GSE1: variants seen among roughly 807,000 people sequenced by gnomAD.
GSE1 encodes Gse1 coiled-coil protein, also known as genetic suppressor element 1.
A neutral mutation model predicts 112.6 loss-of-function variants in GSE1; 32 were observed. The observed-to-expected ratio is 0.28, with a 90% CI of 0.21 to 0.38. The LOEUF (loss-of-function observed/expected upper bound fraction) is 0.38. Ranked by LOEUF, GSE1 falls within the 10% of genes least tolerant of loss-of-function variation. The pLI is 1.00. For synonymous variants in GSE1, 1,115 were observed against 735.6 expected, an observed-to-expected ratio of 1.52 and a Z score of -8.35; for missense variants, 2,348 against 1,699.2, an observed-to-expected ratio of 1.38 and a Z score of -6.71.
At chr16:85,574,514 G>C (rs1450271327) in intron 1 of GSE1, among the ~76,000 whole-genome samples, 1 of 152,190 alleles carries the variant, frequency 6.6e-6, no homozygotes, top group Non-Finnish European at 1.5e-5. Flanking sequence ...TTCCGCCTCG[G>C]ACGAGGCCCC....
At chr16:85,384,961 C>G (rs1051671584) in intron 2 of GSE1, among the ~76,000 whole-genome samples, 3 of 152,274 alleles carry the variant, frequency 2.0e-5, no homozygotes, top group Non-Finnish European at 4.4e-5. Context: ...AGCAGGTTAG[C>G]GTGCTGTGCA....
intron 2 of GSE1, among the ~76,000 whole-genome samples, chr16:85,443,123 G>A (rs931790178): frequency 3.3e-5 from 5 of 152,236 alleles, no homozygotes; most frequent in Non-Finnish European, 5.9e-5. Context: ...TTCCCAGTAA[G>A]GTCCTAGCCT....
chr16:85,607,794 G>T (rs1031237229), upstream of GSE1, among the ~76,000 whole-genome samples: 2 of 152,208 alleles, frequency 1.3e-5, no homozygotes, highest in African/African-American at 4.8e-5. Flanking sequence ...TCCTGCCCAG[G>T]GTCTGGGGAC....
chr16:85,661,085 A>T, intron 8 of GSE1, 61 bp from the exon 9 acceptor site: 1 of 1,473,618 alleles, frequency 6.8e-7, no homozygotes, highest in East Asian at 2.3e-5. Flanking sequence ...GCAGCCAGGG[A>T]AGCCTGTGGA....
chr16:85,234,622 G>A (rs987777260), intron 1 of GSE1, among the ~76,000 whole-genome samples: 1 of 152,210 alleles, frequency 6.6e-6, no homozygotes. Context: ...CCAAGGCTCA[G>A]GGAGGCCCTG....
At chr16:85,554,664 C>T (rs1379137721), upstream of GSE1, among the ~76,000 whole-genome samples, 2 of 152,206 alleles carry the variant, frequency 1.3e-5, no homozygotes, top group African/African-American at 4.8e-5. Context: ...GTTGCCGCAA[C>T]CCCGCGTGGG....
intron 1 of GSE1, among the ~76,000 whole-genome samples, chr16:85,583,758 C>T (rs1048015569): frequency 2.0e-5 from 3 of 152,176 alleles, no homozygotes; most frequent in Non-Finnish European, 4.4e-5. Context: ...AGGCCTCACC[C>T]GCCCCCCGTC....
chr16:85,390,130 A>G (rs1162895964), intron 2 of GSE1, among the ~76,000 whole-genome samples: 1 of 152,238 alleles, frequency 6.6e-6, no homozygotes, highest in Non-Finnish European at 1.5e-5. Context: ...TATGATGGAT[A>G]CATAATAGTT....
chr16:85,554,984 C>T (rs980240058), upstream of GSE1: 17 of 985,236 alleles, frequency 1.7e-5, no homozygotes, highest in Non-Finnish European at 1.9e-5. Context: ...CCCCGCTCCC[C>T]GTCCGCATGG....
In GSE1 at chr16:85,416,808, A is replaced by C. The variant is rs1326267853; in HGVS notation, c.2464+59165A>C. On this transcript the variant is annotated intron_variant, in intron 2 of 2. Transcript: ENST00000637419. ...GGGCTTCTCAACCTTAGCCCTGTGG[A>C]GTTTTTTGTTGGTGGTGGTTTTTCT... 2.6e-5 allele frequency among the ~76,000 whole-genome samples: 4 copies of C among 152,026 alleles called. No individual in the cohort carries two copies. The East Asian group carries it at 7.7e-4, about 29-fold the overall frequency.
intron 1 of GSE1, among the ~76,000 whole-genome samples, chr16:85,349,011 G>A (rs941908356): frequency 2.0e-5 from 3 of 152,060 alleles, no homozygotes; most frequent in African/African-American, 7.2e-5. Context: ...GGCCCTAATT[G>A]CAGTCACAGA....
intron 1 of GSE1, among the ~76,000 whole-genome samples, chr16:85,588,699 C>G (rs948047720): frequency 9.8e-5 from 15 of 152,322 alleles, no homozygotes; most frequent in African/African-American, 3.4e-4. Flanking sequence ...AATCTCCTAT[C>G]AACTTGGGCA....
chr16:85,181,558 C>G (rs1295357808), intron 1 of GSE1, among the ~76,000 whole-genome samples: 1 of 152,250 alleles, frequency 6.6e-6, no homozygotes, highest in Non-Finnish European at 1.5e-5. Flanking sequence ...GAAAGGCTCT[C>G]AGTTCCGGAG....
At chr16:85,259,696 A>C (rs894728351) in intron 1 of GSE1, among the ~76,000 whole-genome samples, 1 of 152,154 alleles carries the variant, frequency 6.6e-6, no homozygotes, top group African/African-American at 2.4e-5. Flanking sequence ...AACAGTCCCG[A>C]GGGCAGGGCT....
intron 1 of GSE1, among the ~76,000 whole-genome samples, chr16:85,605,362 A>G (rs539797058): frequency 1.4e-4 from 21 of 152,108 alleles, no homozygotes; most frequent in Non-Finnish European, 2.2e-4. Flanking sequence ...GGTCTAAGTG[A>G]CCGACCTCCC....
rs1369298203 is a variant in GSE1, at chr16:85,216,735, G to C, written c.2283+44928G>C. On this transcript the variant is annotated intron_variant, in intron 1 of 2. Coordinates refer to the GSE1 transcript ENST00000637419. The stretch of plus-strand genomic sequence containing the variant: ...GTGGGACTCCCAGCACCTGCTTAGA[G>C]GTGCTGTGTTCACCTCCTCCAGCCT... 6.6e-5 allele frequency among the ~76,000 whole-genome samples: 10 copies of C among 152,208 alleles called. No homozygotes were observed. The East Asian group carries it at 1.9e-3, about 29-fold the overall frequency.
chr16:85,561,689 C>T (rs956741818), intron 1 of GSE1, among the ~76,000 whole-genome samples: 1 of 152,236 alleles, frequency 6.6e-6, no homozygotes, highest in Non-Finnish European at 1.5e-5. Flanking sequence ...CAGCTGCCCC[C>T]GGAGGCCAGA....
At chr16:85,429,166 G>A (rs542883031) in intron 2 of GSE1, among the ~76,000 whole-genome samples, 7 of 152,224 alleles carry the variant, frequency 4.6e-5, no homozygotes, top group Non-Finnish European at 8.8e-5. Flanking sequence ...TGCAGGTGGG[G>A]AGACAGCCCA....
chr16:85,267,431 C>CTCCCCGGAGTTGAGGTG (rs1908366981), intron 1 of GSE1, among the ~76,000 whole-genome samples: 1 of 152,114 alleles, frequency 6.6e-6, no homozygotes, highest in Non-Finnish European at 1.5e-5. Flanking sequence ...CATGGAGGGG[C>CTCCCCGGAGTTGAGGTG]TGGCAGGAAG....
Sources: gnomAD v4.1 joint callset for allele counts (sites outside exome capture counted in the v4.1 genomes callset) on GRCh38, gnomAD v4.1.1 for gene constraint, MANE v1.5 for transcripts, NCBI Gene and HGNC (gene_info 2026-07-23, HGNC 2026-07-21) for gene names.